ENTPD7: variants seen among roughly 807,000 people sequenced by gnomAD.
ENTPD7 encodes the protein NTPDase 7.
Under a neutral mutation model 77.9 loss-of-function variants are expected in ENTPD7, and 53 were observed. That is an observed-to-expected ratio of 0.68 (90% CI 0.55 to 0.85). The LOEUF (loss-of-function observed/expected upper bound fraction) is 0.85, where lower values mean the gene tolerates loss of function less well. Ranked by LOEUF, ENTPD7 falls within the 40% of genes least tolerant of loss-of-function variation. The probability of loss-of-function intolerance (pLI) is 0.00; values close to 1 mark genes in which losing one functional copy is unlikely to be tolerated. For missense variants in ENTPD7, 636 were observed against 743.7 expected (o/e 0.86, Z 1.68); for synonymous variants, 248 against 274.9 (o/e 0.90, Z 0.97).
chr10:99,692,928 G>A (rs368862685), intron 8 of ENTPD7, among the ~76,000 whole-genome samples: 1 of 152,152 alleles, frequency 6.6e-6, no homozygotes, highest in Non-Finnish European at 1.5e-5. Context: ...AAATTTTTGT[G>A]TCAGTAGGAG....
chr10:99,699,327 T>C (rs2036057545), intron 10 of ENTPD7, among the ~76,000 whole-genome samples: 1 of 152,228 alleles, frequency 6.6e-6, no homozygotes. Flanking sequence ...CCTGGGAATA[T>C]TAGATGTTGT....
chr10:99,679,157 C>T, intron 3 of ENTPD7, 104 bp from the exon 4 acceptor site: 2 of 1,074,800 alleles, frequency 1.9e-6, no homozygotes, highest in Non-Finnish European at 2.7e-6. Flanking sequence ...ATGTGCTTAG[C>T]ACATGTAGGC....
In ENTPD7 at chr10:99,704,576, C is replaced by A; in HGVS notation, c.1708C>A (p.Leu570Met). The A allele has an allele frequency of 6.2e-7, 1 of 1,614,212 alleles. No individual in the cohort carries two copies. Among genetic ancestry groups the A allele is most frequent in the Non-Finnish European group, 8.5e-7 (1 of 1,180,038 alleles). ...VVLLAIFLYL[L>M]RLRRIHHRQT... ...GCTACTGGCCATCTTCCTATACCTT[C>A]TGCGGCTACGCCGAATTCACCACCG... The change falls in exon 13 of 13, where the codon CTG (leucine) becomes ATG (methionine). Residue 570 changes from leucine to methionine, a missense_variant. This residue lies in a region of ENTPD7 where 138 missense variants were observed against 150.9 expected (regional missense o/e 0.91). Coordinates refer to ENST00000370489, the MANE Select transcript of ENTPD7 (RefSeq NM_020354.5).
At chr10:99,680,694 C>T (rs531105043) in intron 5 of ENTPD7, among the ~76,000 whole-genome samples, 3 of 152,088 alleles carry the variant, frequency 2.0e-5, no homozygotes, top group Non-Finnish European at 2.9e-5. Flanking sequence ...CCAAGTGATC[C>T]TCCCACCTCA....
At chr10:99,683,963 C>T (rs928554454) in intron 5 of ENTPD7, among the ~76,000 whole-genome samples, 1 of 152,142 alleles carries the variant, frequency 6.6e-6, no homozygotes, top group Admixed American at 6.6e-5. Flanking sequence ...GAATTAATTT[C>T]TAAAAGTATA....
chr10:99,676,408 C>T (rs10883403), intron 3 of ENTPD7, among the ~76,000 whole-genome samples: 128,460 of 152,108 alleles, frequency 0.84, 54,440 homozygotes, highest in Middle Eastern at 0.92. Context: ...TGAGAACCAG[C>T]GCACTAGAGA....
chr10:99,674,363 A>G (rs2035654648), intron 3 of ENTPD7, among the ~76,000 whole-genome samples: 1 of 152,214 alleles, frequency 6.6e-6, no homozygotes, highest in Non-Finnish European at 1.5e-5. Flanking sequence ...TTAAGTGTAC[A>G]GTCAGTAGTA....
At chr10:99,667,964 T>A (rs2035571865) in intron 3 of ENTPD7, among the ~76,000 whole-genome samples, 2 of 130,384 alleles carry the variant, frequency 1.5e-5, no homozygotes, top group African/African-American at 5.8e-5. Flanking sequence ...AGACAGAGTC[T>A]CACTCTGTTG....
At position 99,708,596 on chromosome 10, in the gene ENTPD7, G is replaced by A. The variant is rs1259135109; in HGVS notation, c.*3913G>A. Among the ~76,000 whole-genome samples the A allele has an allele frequency of 4.6e-5, 7 of 152,190 alleles. No homozygotes were observed. Among genetic ancestry groups the A allele is most frequent in the Non-Finnish European group, 7.3e-5 (5 of 68,030 alleles). On this transcript the variant is annotated 3_prime_UTR_variant, in exon 13 of 13. Coordinates refer to ENST00000370489, the MANE Select transcript of ENTPD7 (RefSeq NM_020354.5). Reference sequence around the variant, plus strand: ...TAGAAAAATCATATGATTTTGGGAAGAGCATTTTGTCCTTTGGTTTAGAAG... The same window carrying A: ...TAGAAAAATCATATGATTTTGGGAAAAGCATTTTGTCCTTTGGTTTAGAAG...
chr10:99,692,813 C>T (rs1022868444), intron 8 of ENTPD7, among the ~76,000 whole-genome samples: 2 of 152,078 alleles, frequency 1.3e-5, no homozygotes, highest in Non-Finnish European at 2.9e-5. Flanking sequence ...TCACATGGGC[C>T]TCAGTTTCAT....
chr10:99,680,492 G>T (rs891914924), intron 5 of ENTPD7, among the ~76,000 whole-genome samples: 2 of 151,980 alleles, frequency 1.3e-5, no homozygotes, highest in Non-Finnish European at 2.9e-5. Context: ...CCATACTTAC[G>T]TAGGCCGGGG....
At chr10:99,672,938 T>C (rs1321713674) in intron 3 of ENTPD7, among the ~76,000 whole-genome samples, 2 of 152,218 alleles carry the variant, frequency 1.3e-5, no homozygotes, top group Non-Finnish European at 2.9e-5. Flanking sequence ...AGCTAGGTAA[T>C]GGTTTGCTTA....
intron 3 of ENTPD7, among the ~76,000 whole-genome samples, chr10:99,678,196 C>T (rs969198960): frequency 4.6e-5 from 7 of 152,002 alleles, no homozygotes; most frequent in Non-Finnish European, 8.8e-5. Flanking sequence ...AGGCCAGGCG[C>T]GGTGGCTCAC....
intron 4 of ENTPD7, 52 bp downstream of exon 4, chr10:99,679,518 G>T: frequency 6.5e-7 from 1 of 1,532,614 alleles, no homozygotes; most frequent in East Asian, 2.3e-5. Context: ...CATGAAAGAG[G>T]AGACAAAAGA....
At position 99,659,933 on chromosome 10, in the gene ENTPD7, C is replaced by A. The variant is rs777308725; in HGVS notation, c.-24C>A. On this transcript the variant is annotated 5_prime_UTR_variant, in exon 2 of 13. Coordinates refer to ENST00000370489, the MANE Select transcript of ENTPD7 (RefSeq NM_020354.5). This position sits in a 1 kb window ranked among gnomAD's most constrained non-coding sequence, Gnocchi z 4.1. ...GGCAAAAGAAAAAGAAGGTGACAGGCGTTGAGACCACCGAAGGGAACCCAT... is the reference window on the plus strand; with the variant it reads ...GGCAAAAGAAAAAGAAGGTGACAGGAGTTGAGACCACCGAAGGGAACCCAT... The A allele has an allele frequency of 6.2e-7, 1 of 1,613,858 alleles. No individual in the cohort carries two copies. Among genetic ancestry groups the A allele is most frequent in the East Asian group, 2.2e-5 (1 of 44,862 alleles).
chr10:99,682,851 C>T (rs964986173), intron 5 of ENTPD7, among the ~76,000 whole-genome samples: 1 of 152,106 alleles, frequency 6.6e-6, no homozygotes, highest in African/African-American at 2.4e-5. Flanking sequence ...AAAAGCTGAC[C>T]TGGAGGTTAA....
At chr10:99,680,738 C>T (rs146345724) in intron 5 of ENTPD7, among the ~76,000 whole-genome samples, 89 of 152,054 alleles carry the variant, frequency 5.9e-4, no homozygotes, top group African/African-American at 2.1e-3. Context: ...AGGTGGGCAC[C>T]ATCACACCCA....
chr10:99,666,241 T>TCTGTCACC (rs1230867665), intron 3 of ENTPD7, among the ~76,000 whole-genome samples: 1 of 151,876 alleles, frequency 6.6e-6, no homozygotes, highest in African/African-American at 2.4e-5. Context: ...AGAGTCTCAC[T>TCTGTCACC]CTGTCACCCA....
chr10:99,700,690 C>G (rs1228987451), intron 10 of ENTPD7, among the ~76,000 whole-genome samples: 1 of 152,214 alleles, frequency 6.6e-6, no homozygotes, highest in Non-Finnish European at 1.5e-5. Context: ...TAGAATGAAA[C>G]TATCTTTGTC....
Sources: gnomAD v4.1 joint callset for allele counts (sites outside exome capture counted in the v4.1 genomes callset) on GRCh38, gnomAD v4.1.1 for gene constraint, gnomAD v4.1.1 regional missense constraint, Gnocchi (gnomAD v3.1) non-coding constraint, MANE v1.5 for transcripts, NCBI Gene and HGNC (gene_info 2026-07-23, HGNC 2026-07-21) for gene names.